CLIP4: variants seen among roughly 807,000 people sequenced by gnomAD.
CLIP4 encodes CAP-Gly domain-containing linker protein 4.
CLIP4 carries 47 observed loss-of-function variants against 73.1 expected under a neutral mutation model. That is an observed-to-expected ratio of 0.64 (90% CI 0.51 to 0.82). The LOEUF (loss-of-function observed/expected upper bound fraction) is 0.82. Among genes scored for constraint, CLIP4 ranks in the 40% least tolerant of loss-of-function variants. The pLI is 0.00. For synonymous variants in CLIP4, 306 were observed against 295.4 expected (o/e 1.04, Z -0.37); for missense variants, 874 against 852.9 (o/e 1.02, Z -0.31).
intron 6 of CLIP4, among the ~76,000 whole-genome samples, chr2:29,140,287 T>G (rs1386785693): frequency 6.6e-6 from 1 of 151,850 alleles, no homozygotes; most frequent in Non-Finnish European, 1.5e-5. Flanking sequence ...TGTCCATGTG[T>G]TCTCATTGTT....
Position 29,115,886 on chromosome 2 carries a change from G to A in CLIP4, c.-16+221G>A, listed in dbSNP as rs1416391224. Reference sequence around the variant, plus strand: ...CGGGGCGGAGCGGCCCACCCGGCGGGGATGGGGACTCCTCGTGGCGGCCGC... The same window carrying A: ...CGGGGCGGAGCGGCCCACCCGGCGGAGATGGGGACTCCTCGTGGCGGCCGC... On this transcript the variant is annotated intron_variant, in intron 1 of 15. Transcript: ENST00000320081. The surrounding 1 kb of genome is among the most constrained non-coding windows in gnomAD (Gnocchi z 5.1). Among the ~76,000 whole-genome samples, 1 of 152,032 alleles carries A rather than the reference G, an allele frequency of 6.6e-6. No homozygotes were observed. The highest frequency in any genetic ancestry group is 2.4e-5 in the African/African-American group (1 of 41,448).
intron 6 of CLIP4, among the ~76,000 whole-genome samples, chr2:29,142,663 C>A (rs139595054): frequency 6.6e-6 from 1 of 152,090 alleles, no homozygotes; most frequent in Non-Finnish European, 1.5e-5. Flanking sequence ...CAAAAAAATG[C>A]GAAGCAATTG....
chr2:29,130,829 A>G (rs1664919746), intron 2 of CLIP4: 2 of 1,289,194 alleles, frequency 1.6e-6, no homozygotes, highest in Non-Finnish European at 2.0e-6. Context: ...GAAAGCAAAA[A>G]CAAAAAAACC....
intron 14 of CLIP4, 36 bp from the exon 15 acceptor site, chr2:29,174,337 T>C: frequency 5.3e-6 from 8 of 1,506,324 alleles, no homozygotes; most frequent in South Asian, 1.2e-5. Context: ...TGAAAGCTTA[T>C]ATTTTTCCTC....
chr2:29,140,493 G>C (rs190569909), intron 6 of CLIP4, among the ~76,000 whole-genome samples: 340 of 152,218 alleles, frequency 2.2e-3, no homozygotes, highest in African/African-American at 7.7e-3. Flanking sequence ...CAGACATTTG[G>C]GTTGGTTCCA....
At chr2:29,128,943 C>A (rs1315034419) in intron 2 of CLIP4, among the ~76,000 whole-genome samples, 2 of 152,114 alleles carry the variant, frequency 1.3e-5, no homozygotes, top group African/African-American at 2.4e-5. Flanking sequence ...TACTAACACA[C>A]CCAGGTATCT....
chr2:29,167,622 T>C (rs1204668676), intron 14 of CLIP4, 82 bp downstream of exon 14: 1 of 968,074 alleles, frequency 1.0e-6, no homozygotes, highest in Non-Finnish European at 1.5e-6. Flanking sequence ...AGGTATTGTA[T>C]ACAAAAGGGT....
At chr2:29,129,170 T>C (rs1233855697) in intron 2 of CLIP4, among the ~76,000 whole-genome samples, 1 of 152,172 alleles carries the variant, frequency 6.6e-6, no homozygotes. Context: ...TTATTTGTAA[T>C]TCACTTGTCT....
chr2:29,128,187 GTTTTTTTTT>G (rs70958244), intron 2 of CLIP4, among the ~76,000 whole-genome samples: 44 of 138,446 alleles, frequency 3.2e-4, no homozygotes, highest in Admixed American at 3.1e-3. Context: ...TAATGTCTGT[GTTTTTTTTT>G]TTTTTTTTTA....
chr2:29,143,923 GT>G lies in CLIP4; in HGVS notation c.864del (p.Val289LeufsTer11). The G allele has an allele frequency of 6.2e-7, 1 of 1,614,146 alleles. No individual in the cohort carries two copies. The highest frequency in any genetic ancestry group is 8.5e-7 in the Non-Finnish European group (1 of 1,179,982). ...LTSLGLKLGD[R>X]VVIAGQKVGT... is the part of the protein sequence containing the mutation. ...TCACTTGGCCTGAAGTTGGGGGATCGTGTTGTTATTGCAGGACAGAAGGTAC... is the reference window on the plus strand; with the variant it reads ...TCACTTGGCCTGAAGTTGGGGGATCGGTTGTTATTGCAGGACAGAAGGTAC... On this transcript the variant is annotated frameshift_variant, in exon 7 of 16. Coordinates refer to ENST00000320081, the MANE Select transcript of CLIP4 (RefSeq NM_024692.6). LOFTEE classifies it high-confidence loss of function.
chr2:29,109,173 AC>A (rs1303465255), intron 1 of CLIP4, among the ~76,000 whole-genome samples: 2 of 152,186 alleles, frequency 1.3e-5, no homozygotes, highest in Admixed American at 1.3e-4. Context: ...TGTTGGACTG[AC>A]ATCCTCATGG....
chr2:29,116,804 A>G (rs1323000594), intron 1 of CLIP4, among the ~76,000 whole-genome samples: 2 of 152,210 alleles, frequency 1.3e-5, no homozygotes, highest in Admixed American at 1.3e-4. Context: ...TTTGTAGAAG[A>G]TTTAGCCCAT....
At chr2:29,149,406 TTTTC>T (rs1413339491) in intron 8 of CLIP4, among the ~76,000 whole-genome samples, 23 of 110,590 alleles carry the variant, frequency 2.1e-4, no homozygotes, top group African/African-American at 8.3e-4. Context: ...TTTTTTCTCC[TTTTC>T]TTTTTTTTTT....
chr2:29,164,086 A>G, intron 13 of CLIP4, 132 bp downstream of exon 13: 2 of 772,178 alleles, frequency 2.6e-6, no homozygotes. Context: ...TTAACCAACC[A>G]CCTTCTTCAG....
intron 3 of CLIP4, chr2:29,131,839 T>C (rs959854764): frequency 2.1e-5 from 7 of 327,522 alleles, no homozygotes; most frequent in South Asian, 1.2e-4. Flanking sequence ...AGAGTGCTTA[T>C]ACTTTTTTCA....
upstream of CLIP4, among the ~76,000 whole-genome samples, chr2:29,113,151 T>C (rs1348846350): frequency 6.6e-6 from 1 of 152,210 alleles, no homozygotes; most frequent in Non-Finnish European, 1.5e-5. This position sits in a 1 kb window ranked among gnomAD's most constrained non-coding sequence, Gnocchi z 4.0. Flanking sequence ...AGAGTCTGCT[T>C]CTTCATTTGT....
At chr2:29,149,356 C>T (rs1666385243) in intron 8 of CLIP4, among the ~76,000 whole-genome samples, 1 of 150,628 alleles carries the variant, frequency 6.6e-6, no homozygotes, top group South Asian at 2.1e-4. Context: ...TTTCCATCTT[C>T]TGTTTTTGAC....
Position 29,107,367 on chromosome 2 carries a change from T to TGTTTTTTTGTTTTTTTTTTTTTG in CLIP4, c.-16+9420_-16+9421insGTTTTTTTGTTTTTTTTTTTTTG, listed in dbSNP as rs1558504949. ...TTCCTGGAACATGATAGTTTTTTTT[T>TGTTTTTTTGTTTTTTTTTTTTTG]TTTTTTTTTTTTTTTTTTTTTTGAG... is the stretch of plus-strand genomic sequence containing the variant. On this transcript the variant is annotated intron_variant, in intron 1 of 14. Coordinates refer to the CLIP4 transcript ENST00000401605. Among the ~76,000 whole-genome samples, 16 of 111,206 alleles carry TGTTTTTTTGTTTTTTTTTTTTTG rather than the reference T, an allele frequency of 1.4e-4. 1 individual carries two copies. The highest frequency in any genetic ancestry group is 5.5e-4 in the African/African-American group (15 of 27,332). The allele number at this position is 111,206 out of a possible 152,430, so 73.0% of individuals were successfully genotyped here. A position where few individuals can be genotyped will look rare whatever the true frequency, so the allele number is the denominator to read the frequency against.
At chr2:29,098,676 CG>C (rs1667948803) in intron 1 of CLIP4, among the ~76,000 whole-genome samples, 1 of 152,140 alleles carries the variant, frequency 6.6e-6, no homozygotes, top group African/African-American at 2.4e-5. Flanking sequence ...CTAACATTCA[CG>C]TATCGGTTCT....
Sources: gnomAD v4.1 joint callset for allele counts (sites outside exome capture counted in the v4.1 genomes callset) on GRCh38, gnomAD v4.1.1 for gene constraint, Gnocchi (gnomAD v3.1) non-coding constraint, MANE v1.5 for transcripts, NCBI Gene and HGNC (gene_info 2026-07-23, HGNC 2026-07-21) for gene names.